The following CFAP299 variants were observed in gnomAD, a reference collection of about 807,000 sequenced individuals.
The protein encoded by CFAP299 is cilia- and flagella-associated protein 299.
In CFAP299, 21 loss-of-function variants were observed where a neutral mutation model predicts 27.0. The ratio of observed to expected loss-of-function variants is 0.78; its 90% CI spans 0.55 to 1.12. The LOEUF (loss-of-function observed/expected upper bound fraction) is 1.12. Among genes scored for constraint, CFAP299 ranks in the 50% most tolerant of loss-of-function variants. CFAP299 has a pLI of 0.00. For synonymous variants in CFAP299, 104 were observed against 98.1 expected (o/e 1.06, Z -0.36); for missense variants, 310 against 276.6 (o/e 1.12, Z -0.86).
chr4:80,335,616 G>A (rs1722090674), upstream of CFAP299: 3 of 657,714 alleles, frequency 4.6e-6, no homozygotes, highest in Admixed American at 4.8e-5. Context: ...GAGTGAGGCA[G>A]AAGACAGAAA....
intron 3 of CFAP299, among the ~76,000 whole-genome samples, chr4:80,650,086 A>G (rs1740210885): frequency 6.6e-6 from 1 of 152,114 alleles, no homozygotes; most frequent in Non-Finnish European, 1.5e-5. Context: ...TAAAATGCAT[A>G]TAGCATAAGA....
At chr4:80,393,932 G>A (rs571362293) in intron 2 of CFAP299, among the ~76,000 whole-genome samples, 9 of 152,238 alleles carry the variant, frequency 5.9e-5, no homozygotes, top group Non-Finnish European at 2.9e-5. Flanking sequence ...CACATGTCAA[G>A]AGTGGTGGGA....
At chr4:80,536,708 C>A (rs1051910916) in intron 2 of CFAP299, among the ~76,000 whole-genome samples, 2 of 152,074 alleles carry the variant, frequency 1.3e-5, no homozygotes, top group Non-Finnish European at 2.9e-5. Context: ...TAACAAAAAT[C>A]AACTCAAAAT....
At chr4:80,603,229 G>T (rs1737456191) in intron 3 of CFAP299, among the ~76,000 whole-genome samples, 1 of 152,076 alleles carries the variant, frequency 6.6e-6, no homozygotes, top group South Asian at 2.1e-4. Flanking sequence ...ATTTTAAAAA[G>T]ACATACTATA....
chr4:80,879,839 C>T (rs1317107902), intron 4 of CFAP299, among the ~76,000 whole-genome samples: 1 of 152,138 alleles, frequency 6.6e-6, no homozygotes, highest in African/African-American at 2.4e-5. Context: ...CCTTTTCCTC[C>T]ATTTCTTATA....
intron 3 of CFAP299, among the ~76,000 whole-genome samples, chr4:80,868,237 A>G (rs1364821117): frequency 8.6e-6 from 1 of 116,656 alleles, no homozygotes. Context: ...ACTTTCTTTG[A>G]TTATTATTTT....
chr4:80,798,252 A>G (rs1270430712), intron 3 of CFAP299, among the ~76,000 whole-genome samples: 1 of 151,538 alleles, frequency 6.6e-6, no homozygotes, highest in East Asian at 1.9e-4. Flanking sequence ...TTGCCTGGCA[A>G]CTCCCTCAGG....
intron 3 of CFAP299, among the ~76,000 whole-genome samples, chr4:80,597,944 C>G (rs1737142716): frequency 6.6e-6 from 1 of 152,176 alleles, no homozygotes; most frequent in Non-Finnish European, 1.5e-5. Context: ...GCCTCGGCCT[C>G]CCAAAGTACT....
chr4:80,579,266 C>T (rs563572020), intron 2 of CFAP299, among the ~76,000 whole-genome samples: 21 of 152,250 alleles, frequency 1.4e-4, no homozygotes, highest in African/African-American at 5.1e-4. Context: ...AGTACCCTTC[C>T]CTACTTTAAA....
At chr4:80,669,283 C>G (rs1741335016) in intron 3 of CFAP299, among the ~76,000 whole-genome samples, 1 of 150,306 alleles carries the variant, frequency 6.7e-6, no homozygotes, top group Non-Finnish European at 1.5e-5. Context: ...CCTGTCTCAG[C>G]CTTCCAAGTA....
In CFAP299 at chr4:80,494,808, G is replaced by A. The variant is rs138971739; in HGVS notation, c.243-88285G>A. ...ATATTGAGTATTTATTCTGATACAA[G>A]TTACTTATTTCCAAGATACAATGGG... On this transcript the variant is annotated intron_variant, in intron 2 of 5. Transcript: ENST00000358105. Among the ~76,000 whole-genome samples, 239 of 152,208 alleles carry A rather than the reference G, an allele frequency of 1.6e-3. 1 individual carries two copies. Among genetic ancestry groups the A allele is most frequent in the African/African-American group, 5.6e-3 (232 of 41,538 alleles).
At chr4:80,453,579 G>A (rs561248456) in intron 2 of CFAP299, among the ~76,000 whole-genome samples, 5 of 151,872 alleles carry the variant, frequency 3.3e-5, no homozygotes, top group African/African-American at 1.2e-4. Flanking sequence ...GGTGGCTCAC[G>A]CCTGTAATCC....
intron 3 of CFAP299, among the ~76,000 whole-genome samples, chr4:80,626,018 A>G (rs1017565058): frequency 6.6e-6 from 1 of 151,958 alleles, no homozygotes; most frequent in Non-Finnish European, 1.5e-5. Context: ...AACTAAAAGC[A>G]TAATCTAGAT....
In CFAP299 at chr4:80,763,218, C is replaced by G. The variant is rs772153560; in HGVS notation, c.334-106775C>G. ...ATTTAGAAAACCCGATTGTCTCAGC[C>G]CAAAATCTCCTTAAGCTGATAAGCA... On this transcript the variant is annotated intron_variant, in intron 3 of 5. Transcript: ENST00000358105. 4.6e-5 allele frequency among the ~76,000 whole-genome samples: 7 copies of G among 152,028 alleles called. No homozygotes were observed. In the East Asian group the frequency reaches 1.3e-3, roughly 29 times the overall value.
intron 3 of CFAP299, among the ~76,000 whole-genome samples, chr4:80,667,486 C>T (rs1464863816): frequency 1.3e-5 from 2 of 151,966 alleles, no homozygotes; most frequent in Non-Finnish European, 2.9e-5. Context: ...CTCTTTATTC[C>T]CCTCACTTGC....
intron 2 of CFAP299, among the ~76,000 whole-genome samples, chr4:80,568,365 A>C (rs1735416016): frequency 6.6e-6 from 1 of 152,052 alleles, no homozygotes; most frequent in African/African-American, 2.4e-5. Flanking sequence ...TATTCTCTGA[A>C]ATATGTGAAT....
At chr4:80,487,829 C>T (rs927823526) in intron 2 of CFAP299, among the ~76,000 whole-genome samples, 1 of 152,166 alleles carries the variant, frequency 6.6e-6, no homozygotes, top group Admixed American at 6.5e-5. Flanking sequence ...AGCAAAGAGC[C>T]ATAGGTTCAT....
chr4:80,523,411 A>G (rs1055200343), intron 2 of CFAP299, among the ~76,000 whole-genome samples: 3 of 152,140 alleles, frequency 2.0e-5, no homozygotes, highest in African/African-American at 7.2e-5. Context: ...AGAATGTTTT[A>G]TTGGATGAAT....
intron 4 of CFAP299, among the ~76,000 whole-genome samples, chr4:80,894,275 G>A (rs538714659): frequency 1.3e-5 from 2 of 151,922 alleles, no homozygotes; most frequent in Non-Finnish European, 1.5e-5. Flanking sequence ...GCTAAACCTA[G>A]AGTCAGTTTC....
Sources: gnomAD v4.1 joint callset for allele counts (sites outside exome capture counted in the v4.1 genomes callset) on GRCh38, gnomAD v4.1.1 for gene constraint, MANE v1.5 for transcripts, NCBI Gene and HGNC (gene_info 2026-07-23, HGNC 2026-07-21) for gene names.